Variants in CCDC34 observed in about 807,000 individuals in gnomAD.
The protein encoded by CCDC34 is coiled-coil domain containing 34, also known as coiled-coil domain-containing protein 34.
In CCDC34, 40 loss-of-function variants were observed where a neutral mutation model predicts 44.1. That is an observed-to-expected ratio of 0.91 (90% CI 0.70 to 1.18). The LOEUF (loss-of-function observed/expected upper bound fraction) is 1.18. Among genes scored for constraint, CCDC34 ranks in the 50% most tolerant of loss-of-function variants. CCDC34 has a pLI of 0.00. For missense variants in CCDC34, 466 were observed against 452.3 expected, an observed-to-expected ratio of 1.03 and a Z score of -0.28; for synonymous variants, 159 against 158.2, an observed-to-expected ratio of 1.01 and a Z score of -0.04.
chr11:27,362,761 T>C (rs1255819362), intron 1 of CCDC34, 75 bp downstream of exon 1: 9 of 1,502,972 alleles, frequency 6.0e-6, no homozygotes, highest in Middle Eastern at 1.8e-4. Context: ...GGCAGGAGGA[T>C]GTTAGAAGGG....
At chr11:27,350,561 G>GC (rs1299081597) in intron 2 of CCDC34, 122 bp from the exon 3 acceptor site, 21 of 841,646 alleles carry the variant, frequency 2.5e-5, no homozygotes, top group Non-Finnish European at 3.7e-5. Flanking sequence ...TGGAGCATAT[G>GC]CCACTAGTGG....
chr11:27,359,786 G>A (rs747153230), intron 1 of CCDC34, among the ~76,000 whole-genome samples: 37 of 152,310 alleles, frequency 2.4e-4, no homozygotes, highest in African/African-American at 7.7e-4. Context: ...ACTTAATATA[G>A]TTCCAGGCAC....
At position 27,350,428 on chromosome 11, in the gene CCDC34, T is replaced by G. The variant is rs758864832; in HGVS notation, c.510A>C (p.Gln170His). 3 of 1,601,402 alleles carry G rather than the reference T, an allele frequency of 1.9e-6. No homozygotes were observed. Among genetic ancestry groups the G allele is most frequent in the Admixed American group, 1.7e-5 (1 of 58,270 alleles). The change falls in exon 3 of 6, where the codon CAA becomes CAC. Residue 170 changes from glutamine (Q) to histidine (H), a missense_variant. Transcript: ENST00000328697. ...CCATTTCTTTTCTTTTTTCTAGTTG[T>G]TGATTTAATTCCTGTGGATTTTATT... Reference protein sequence around the residue: ...LQLKALEELNQQLEKRKEMEE... With the variant: ...LQLKALEELNHQLEKRKEMEE...
intron 3 of CCDC34, 199 bp downstream of exon 3, chr11:27,350,133 A>AG: frequency 6.9e-7 from 1 of 1,443,422 alleles, no homozygotes; most frequent in Non-Finnish European, 9.1e-7. Context: ...AAGCCACAGG[A>AG]GGGAAAAAGG....
chr11:27,356,420 A>G (rs1022617599), intron 2 of CCDC34, among the ~76,000 whole-genome samples: 1 of 152,074 alleles, frequency 6.6e-6, no homozygotes, highest in East Asian at 1.9e-4. Context: ...CATTTTAAAT[A>G]TATTTAAATA....
At chr11:27,339,178 A>G in intron 5 of CCDC34, 143 bp from the exon 6 acceptor site, 1 of 618,294 alleles carries the variant, frequency 1.6e-6, no homozygotes, top group East Asian at 2.8e-5. Context: ...TGAAACTTAA[A>G]CTCCTTGATA....
chr11:27,363,150 G>C lies in CCDC34; in HGVS notation c.45C>G (p.Tyr15Ter). Reference sequence around the variant, plus strand: ...GTCTGCAGTCAGCAGAGAAACCGGCGTAGGAAGAGGGAAAAGTAGGCCCCC... The same window carrying C: ...GTCTGCAGTCAGCAGAGAAACCGGCCTAGGAAGAGGGAAAAGTAGGCCCCC... ...GRWGPTFPSS[Y>*]AGFSADCRPR... The change falls in exon 1 of 6, where the codon TAC (tyrosine) becomes TAG (stop). Residue 15 changes from tyrosine (Y) to a stop codon, truncating the protein, a stop_gained. Transcript: ENST00000328697. LOFTEE classifies it high-confidence loss of function. The C allele has an allele frequency of 2.0e-6, 3 of 1,519,044 alleles. No individual in the cohort carries two copies. Among genetic ancestry groups the C allele is most frequent in the Non-Finnish European group, 2.6e-6 (3 of 1,137,594 alleles). The allele number at this position is 1,519,044 out of a possible 1,614,324, so 94.1% of individuals were successfully genotyped here. A position where few individuals can be genotyped will look rare whatever the true frequency, so the allele number is the denominator to read the frequency against.
intron 2 of CCDC34, among the ~76,000 whole-genome samples, chr11:27,354,799 C>T (rs191874202): frequency 6.6e-6 from 1 of 151,800 alleles, no homozygotes; most frequent in East Asian, 1.9e-4. Context: ...GTCAAAGCTG[C>T]AGTGAGCTGT....
In CCDC34 at chr11:27,362,819, G is replaced by C. The variant is rs554403183; in HGVS notation, c.359+17C>G. 1.0e-4 allele frequency: 164 copies of C among 1,609,298 alleles called. No homozygotes were observed. In the East Asian group the frequency reaches 3.5e-3, roughly 35 times the overall value. On this transcript the variant is annotated intron_variant, in intron 1 of 5. Transcript: ENST00000328697. ...ATCTTGAAAAGGGCTGAATCGGCCG[G>C]GCGGCCTCGGGTTTACCTGGCGCAC... is the stretch of plus-strand genomic sequence containing the variant.
chr11:27,344,405 CAT>C (rs1862404909), intron 3 of CCDC34, among the ~76,000 whole-genome samples: 1 of 152,000 alleles, frequency 6.6e-6, no homozygotes, highest in African/African-American at 2.4e-5. Flanking sequence ...ATGTTACAAA[CAT>C]GTATGCTATA....
At position 27,339,514 on chromosome 11, in the gene CCDC34, T is replaced by C. The variant is rs140670755; in HGVS notation, c.908-479A>G. 1.9e-3 allele frequency among the ~76,000 whole-genome samples: 292 copies of C among 152,284 alleles called. 1 individual carries two copies. The highest frequency in any genetic ancestry group is 6.7e-3 in the African/African-American group (277 of 41,576). On this transcript the variant is annotated intron_variant, in intron 5 of 5. Coordinates refer to ENST00000328697, the MANE Select transcript of CCDC34 (RefSeq NM_030771.2). ...CACAGAAATTCTGAATCAGTGTCAA[T>C]AAGATTTCACAATATCACTGTAATT...
At chr11:27,361,464 C>A (rs1440731800) in intron 1 of CCDC34, among the ~76,000 whole-genome samples, 1 of 152,132 alleles carries the variant, frequency 6.6e-6, no homozygotes, top group Non-Finnish European at 1.5e-5. Context: ...CCTTTGAGAC[C>A]AACTCAGTCC....
At chr11:27,361,112 C>G (rs2133352010) in intron 1 of CCDC34, among the ~76,000 whole-genome samples, 1 of 152,338 alleles carries the variant, frequency 6.6e-6, no homozygotes, top group Admixed American at 6.5e-5. Flanking sequence ...TTGCCACACA[C>G]AATGCTTGAC....
At position 27,354,596 on chromosome 11, in the gene CCDC34, T is replaced by C. The variant is rs1365450920; in HGVS notation, c.498+2807A>G. On this transcript the variant is annotated intron_variant, in intron 2 of 5. Coordinates refer to ENST00000328697, the MANE Select transcript of CCDC34 (RefSeq NM_030771.2). ...ATTTATGGTTTTAAACCAGGCACCG[T>C]GGCTCACACCTGTAACCCCAGCACT... 7.2e-5 allele frequency among the ~76,000 whole-genome samples: 11 copies of C among 152,268 alleles called. No homozygotes were observed. In the South Asian group the frequency reaches 1.2e-3, roughly 17 times the overall value.
chr11:27,344,986 C>A (rs946671288), intron 3 of CCDC34, among the ~76,000 whole-genome samples: 2 of 152,054 alleles, frequency 1.3e-5, no homozygotes, highest in African/African-American at 4.8e-5. Flanking sequence ...TAGTGTGGTA[C>A]TGCACAGGAT....
Position 27,340,546 on chromosome 11 carries a change from T to C in CCDC34, c.907+150A>G, listed in dbSNP as rs187993829. On this transcript the variant is annotated intron_variant, in intron 5 of 5. Transcript: ENST00000328697. Reference sequence around the variant, plus strand: ...TGACAGTACATTTGTAGCATCTCCATAGGAACATGACATGTTTATAATATA... The same window carrying C: ...TGACAGTACATTTGTAGCATCTCCACAGGAACATGACATGTTTATAATATA... 30 of 762,026 alleles carry C rather than the reference T, an allele frequency of 3.9e-5. No homozygotes were observed. In the East Asian group the frequency reaches 7.2e-4, roughly 18 times the overall value. 47.2% of individuals were successfully genotyped at this position (762,026 alleles called of 1,614,324 possible).
At chr11:27,351,470 T>C (rs909888412) in intron 2 of CCDC34, among the ~76,000 whole-genome samples, 1 of 152,346 alleles carries the variant, frequency 6.6e-6, no homozygotes, top group Non-Finnish European at 1.5e-5. Context: ...GCATAGAAGA[T>C]AGCCGCCCTC....
Position 27,357,531 on chromosome 11 carries a change from C to T in CCDC34, c.370G>A (p.Glu124Lys). 1 of 1,613,862 alleles carries T rather than the reference C, an allele frequency of 6.2e-7. No homozygotes were observed. The highest frequency in any genetic ancestry group is 1.1e-5 in the South Asian group (1 of 91,042). The change falls in exon 2 of 6, where the codon GAA (glutamate) becomes AAA (lysine). Residue 124 changes from glutamate (E) to lysine (K), a missense_variant. Physicochemically the swap from Glu to Lys is moderately conservative, Grantham distance 56. Coordinates refer to ENST00000328697, the MANE Select transcript of CCDC34 (RefSeq NM_030771.2). ...TGTTCTTCTTGGTTATTTTCTGATTCAACCTGAGTGCTACAAAAGAGAGGC... is the reference window on the plus strand; with the variant it reads ...TGTTCTTCTTGGTTATTTTCTGATTTAACCTGAGTGCTACAAAAGAGAGGC... ...ELQGCASTQV[E>K]SENNQEEQKQ...
At chr11:27,357,682 A>C (rs1862598932) in intron 1 of CCDC34, 141 bp from the exon 2 acceptor site, 1 of 637,152 alleles carries the variant, frequency 1.6e-6, no homozygotes, top group Admixed American at 3.2e-5. Context: ...GGAATTATAC[A>C]TAAGTATACA....
Sources: allele counts gnomAD v4.1 joint callset (sites outside exome capture counted in the v4.1 genomes callset), GRCh38; gene constraint gnomAD v4.1.1; transcripts MANE v1.5; gene names NCBI Gene and HGNC (gene_info 2026-07-23, HGNC 2026-07-21).